The following XXYLT1 variants were observed in gnomAD, a reference collection of about 807,000 sequenced individuals.
XXYLT1 encodes UDP-xylose:alpha-xyloside alpha-1,3-xylosyltransferase.
In XXYLT1, 20 loss-of-function variants were observed where a neutral mutation model predicts 28.9. That is an observed-to-expected ratio of 0.69 (90% confidence interval 0.49 to 1.00). XXYLT1 has a LOEUF of 1.00. XXYLT1 is among the 50% of genes least tolerant of loss of function. The pLI is 0.00. For synonymous variants in XXYLT1, 257 were observed against 253.8 expected (o/e 1.01, Z -0.12); for missense variants, 542 against 560.1 (o/e 0.97, Z 0.33).
intron 1 of XXYLT1, among the ~76,000 whole-genome samples, chr3:195,254,356 G>C (rs1725395167): frequency 6.6e-6 from 1 of 152,238 alleles, no homozygotes; most frequent in Non-Finnish European, 1.5e-5. Flanking sequence ...AGTACCATCT[G>C]CTCCTGGGAA....
chr3:195,074,076 C>T (rs1350332139), intron 3 of XXYLT1, among the ~76,000 whole-genome samples: 1 of 151,976 alleles, frequency 6.6e-6, no homozygotes, highest in African/African-American at 2.4e-5. Flanking sequence ...TTGCCTCCGA[C>T]TCTTCGTGAT....
In XXYLT1 at chr3:195,226,813, G is replaced by A; in HGVS notation, c.548C>T (p.Pro183Leu). Residue 183 changes from proline (P) to leucine (L), a missense_variant, in exon 2 of 4, where the codon CCC becomes CTC. Transcript: ENST00000310380. ...DVAVLTDKLF[P>L]IVEAMQKHFS... ...GTGCTTCTGCATGGCCTCCACGATG[G>A]GGAAGAGCTTATCCGTCAGCACAGC... 2 of 1,613,826 alleles carry A rather than the reference G, an allele frequency of 1.2e-6. No individual in the cohort carries two copies. The highest frequency in any genetic ancestry group is 1.7e-6 in the Non-Finnish European group (2 of 1,179,972).
chr3:195,085,121 T>C (rs1008430796), intron 3 of XXYLT1, among the ~76,000 whole-genome samples: 4 of 152,158 alleles, frequency 2.6e-5, no homozygotes, highest in Non-Finnish European at 5.9e-5. Flanking sequence ...AATCCTCTCC[T>C]TGCACGAGGT....
In XXYLT1 at chr3:195,103,865, T is replaced by C. The variant is rs77586938; in HGVS notation, c.786-33754A>G. On this transcript the variant is annotated intron_variant, in intron 3 of 3. Transcript: ENST00000310380. ...GAAAATACTAGCTGGGGTCATATGC[T>C]TCTGATTACTGAGAAAGGCCAGCAC... Among the ~76,000 whole-genome samples the C allele has an allele frequency of 2.1e-3, 319 of 152,368 alleles. 2 individuals carry two copies. The highest frequency in any genetic ancestry group is 7.4e-3 in the African/African-American group (307 of 41,580).
At chr3:195,269,640 C>T (rs1175294268) in intron 1 of XXYLT1, among the ~76,000 whole-genome samples, 1 of 152,196 alleles carries the variant, frequency 6.6e-6, no homozygotes. Context: ...GGCAACAGCT[C>T]CCCTAGTCAC....
chr3:195,079,441 T>C (rs1215516333), intron 3 of XXYLT1, among the ~76,000 whole-genome samples: 1 of 152,166 alleles, frequency 6.6e-6, no homozygotes, highest in African/African-American at 2.4e-5. Context: ...GCAGGGTGGC[T>C]TCTTTGAGGA....
At chr3:195,245,159 ATTT>A (rs533706205) in intron 1 of XXYLT1, among the ~76,000 whole-genome samples, 83 of 132,338 alleles carry the variant, frequency 6.3e-4, no homozygotes, top group African/African-American at 2.3e-3. Context: ...GCCCAAGAAA[ATTT>A]TTTTTTTTTT....
rs114390731 is a variant in XXYLT1, at chr3:195,103,688, A to T, written c.786-33577T>A. On this transcript the variant is annotated intron_variant, in intron 3 of 3. Coordinates refer to ENST00000310380, the MANE Select transcript of XXYLT1 (RefSeq NM_152531.5). ...TCTGTGAGACCTTTAGAATCCATCA[A>T]GGGGAAGTCACTGGGCAAGAGGAAT... Among the ~76,000 whole-genome samples, 437 of 152,352 alleles carry T rather than the reference A, an allele frequency of 2.9e-3. 3 individuals are homozygous for T. Among genetic ancestry groups the T allele is most frequent in the African/African-American group, 0.01 (418 of 41,588 alleles).
In XXYLT1 at chr3:195,168,532, G is replaced by A. The variant is rs1316214263; in HGVS notation, c.653-11951C>T. On this transcript the variant is annotated intron_variant, in intron 2 of 3. Transcript: ENST00000310380. The surrounding 1 kb of genome is among the most constrained non-coding windows in gnomAD (Gnocchi z 4.3). ...TGCTTCCATCCTACCCTGGTCCTGA[G>A]GGCAGCAGCCCTGCTCCCCAGTCAC... 6.6e-6 allele frequency among the ~76,000 whole-genome samples: 1 copy of A among 152,170 alleles called. No individual in the cohort carries two copies. The highest frequency in any genetic ancestry group is 6.6e-5 in the Admixed American group (1 of 15,266).
chr3:195,185,084 A>AGG (rs1157493790), intron 2 of XXYLT1, among the ~76,000 whole-genome samples: 23 of 114,720 alleles, frequency 2.0e-4, no homozygotes, highest in Non-Finnish European at 3.5e-4. Flanking sequence ...GGAAAGAAGG[A>AGG]AGAAGGAAGG....
intron 2 of XXYLT1, among the ~76,000 whole-genome samples, chr3:195,219,982 C>G (rs1218661116): frequency 6.6e-6 from 1 of 152,172 alleles, no homozygotes; most frequent in Non-Finnish European, 1.5e-5. Context: ...GGTCTTTTAT[C>G]CACTCCCATA....
intron 1 of XXYLT1, among the ~76,000 whole-genome samples, chr3:195,241,612 A>G (rs1354593993): frequency 1.3e-5 from 2 of 152,152 alleles, no homozygotes; most frequent in African/African-American, 4.8e-5. Flanking sequence ...GGAGTCTTTC[A>G]TTCCTACACC....
At position 195,256,433 on chromosome 3, in the gene XXYLT1, C is replaced by A; in HGVS notation, c.504+14122G>T. 1 of 971,232 alleles carries A rather than the reference C, an allele frequency of 1.0e-6. No individual in the cohort carries two copies. The highest frequency in any genetic ancestry group is 1.2e-6 in the Non-Finnish European group (1 of 816,910). The allele number at this position is 971,232 out of a possible 1,614,324, so 60.2% of individuals were successfully genotyped here. A position where few individuals can be genotyped will look rare whatever the true frequency, so the allele number is the denominator to read the frequency against. ...CGCGCAGGCCTGAGGTGCGGCCCTG[C>A]ACAGGGCAGGGCCCGAGAAACGAAC... On this transcript the variant is annotated intron_variant, in intron 1 of 3. Coordinates refer to ENST00000310380, the MANE Select transcript of XXYLT1 (RefSeq NM_152531.5). The surrounding 1 kb of genome is among the most constrained non-coding windows in gnomAD (Gnocchi z 4.2).
At chr3:195,086,615 G>A (rs1225866090) in intron 3 of XXYLT1, among the ~76,000 whole-genome samples, 4 of 152,274 alleles carry the variant, frequency 2.6e-5, no homozygotes, top group Non-Finnish European at 5.9e-5. Context: ...CTGCTAAAGG[G>A]AACAAAAGGT....
chr3:195,208,696 T>C (rs1723178635), intron 2 of XXYLT1, among the ~76,000 whole-genome samples: 1 of 151,748 alleles, frequency 6.6e-6, no homozygotes. Context: ...AGAGAAGAAA[T>C]CACCAAAAGA....
Position 195,159,757 on chromosome 3 carries a change from G to A in XXYLT1, c.653-3176C>T, listed in dbSNP as rs558835805. On this transcript the variant is annotated intron_variant, in intron 2 of 3. Transcript: ENST00000310380. The stretch of plus-strand genomic sequence containing the variant: ...TGCCTGGGTTTGAGGCCTGGCTGGC[G>A]GCCGATGCTTCCGTACAATTACACC... Among the ~76,000 whole-genome samples the A allele has an allele frequency of 1.2e-4, 18 of 152,262 alleles. No individual in the cohort carries two copies. The South Asian group carries it at 1.5e-3, about 12-fold the overall frequency.
At chr3:195,247,899 C>T in intron 1 of XXYLT1, 1 of 671,560 alleles carries the variant, frequency 1.5e-6, no homozygotes, top group Non-Finnish European at 2.7e-6. Flanking sequence ...AGCAGATCTC[C>T]TGAGAGCTCA....
chr3:195,202,497 C>T (rs1722903262), intron 2 of XXYLT1, among the ~76,000 whole-genome samples: 3 of 151,638 alleles, frequency 2.0e-5, no homozygotes, highest in Admixed American at 1.3e-4. Context: ...ACCTCAAAAC[C>T]ACATGCTGTC....
Position 195,077,227 on chromosome 3 carries a change from G to T in XXYLT1, c.786-7116C>A, listed in dbSNP as rs1007537023. Among the ~76,000 whole-genome samples, 3 of 152,164 alleles carry T rather than the reference G, an allele frequency of 2.0e-5. No individual in the cohort carries two copies. The highest frequency in any genetic ancestry group is 7.2e-5 in the African/African-American group (3 of 41,440). ...GGGGAAGGGAAAAGCAGAGGGATGGGAGATGATGTAGGGGGCGGCACGGGG... is the reference window on the plus strand; with the variant it reads ...GGGGAAGGGAAAAGCAGAGGGATGGTAGATGATGTAGGGGGCGGCACGGGG... On this transcript the variant is annotated intron_variant, in intron 3 of 3. Coordinates refer to ENST00000310380, the MANE Select transcript of XXYLT1 (RefSeq NM_152531.5). This position sits in a 1 kb window ranked among gnomAD's most constrained non-coding sequence, Gnocchi z 4.8.
Sources: gnomAD v4.1 joint callset for allele counts (sites outside exome capture counted in the v4.1 genomes callset) on GRCh38, gnomAD v4.1.1 for gene constraint, Gnocchi (gnomAD v3.1) non-coding constraint, MANE v1.5 for transcripts, NCBI Gene and HGNC (gene_info 2026-07-23, HGNC 2026-07-21) for gene names.